The following ATF7IP variants were observed in gnomAD, a reference collection of about 807,000 sequenced individuals.
ATF7IP encodes activating transcription factor 7-interacting protein 1.
Under a neutral mutation model 106.4 loss-of-function variants are expected in ATF7IP, and 23 were observed. The ratio of observed to expected loss-of-function variants is 0.22; its 90% CI spans 0.16 to 0.31. The LOEUF is 0.31. Ranked by LOEUF, ATF7IP falls within the 10% of genes least tolerant of loss-of-function variation. The pLI, the probability that ATF7IP is intolerant of heterozygous loss-of-function variation, is 1.00. For synonymous variants in ATF7IP, 542 were observed against 539.0 expected, an observed-to-expected ratio of 1.01 and a Z score of -0.08; for missense variants, 1,334 against 1,524.3, an observed-to-expected ratio of 0.88 and a Z score of 2.08.
At chr12:14,368,248 T>C (rs10845988) in intron 1 of ATF7IP, among the ~76,000 whole-genome samples, 61,703 of 151,838 alleles carry the variant, frequency 0.41, 13,254 homozygotes, top group East Asian at 0.6. Flanking sequence ...TATAAATGTT[T>C]ATTAATTAGT....
intron 5 of ATF7IP, among the ~76,000 whole-genome samples, chr12:14,446,497 A>C (rs1014746094): frequency 6.6e-6 from 1 of 152,202 alleles, no homozygotes. Flanking sequence ...TATGTAATTT[A>C]ATTTGTGAAA....
intron 1 of ATF7IP, among the ~76,000 whole-genome samples, chr12:14,397,078 C>T (rs963662901): frequency 6.6e-6 from 1 of 152,148 alleles, no homozygotes; most frequent in African/African-American, 2.4e-5. Flanking sequence ...AGGAGAATTG[C>T]TTGAATCCGG....
chr12:14,421,817 G>C (rs1047049704), intron 1 of ATF7IP, among the ~76,000 whole-genome samples: 1 of 152,130 alleles, frequency 6.6e-6, no homozygotes, highest in African/African-American at 2.4e-5. Flanking sequence ...AATAAAGTCA[G>C]AATGCATCAT....
intron 10 of ATF7IP, among the ~76,000 whole-genome samples, chr12:14,469,221 G>T (rs1293255756): frequency 1.3e-5 from 2 of 151,940 alleles, no homozygotes; most frequent in South Asian, 2.1e-4. Flanking sequence ...TTAGCTGGTC[G>T]TGGTGGTGCA....
At position 14,454,278 on chromosome 12, in the gene ATF7IP, C is replaced by T. The variant is rs371728306; in HGVS notation, c.1996-2283C>T. 2.6e-5 allele frequency among the ~76,000 whole-genome samples: 4 copies of T among 152,230 alleles called. No individual in the cohort carries two copies. In the South Asian group the frequency reaches 6.2e-4, roughly 24 times the overall value. On this transcript the variant is annotated intron_variant, in intron 6 of 14. Transcript: ENST00000261168. Reference sequence around the variant, plus strand: ...CCTCTGGTACCTGTCTTTGCTATAGCAGCCTCTGGTACTTTGGCAAGCTGT... The same window carrying T: ...CCTCTGGTACCTGTCTTTGCTATAGTAGCCTCTGGTACTTTGGCAAGCTGT...
At chr12:14,436,047 A>G (rs1942386855) in intron 3 of ATF7IP, 59 bp from the exon 4 acceptor site, 2 of 1,526,068 alleles carry the variant, frequency 1.3e-6, no homozygotes, top group Non-Finnish European at 1.8e-6. Flanking sequence ...GATGGATAAT[A>G]TGCATTAAGA....
intron 12 of ATF7IP, among the ~76,000 whole-genome samples, chr12:14,479,360 A>G (rs1157734719): frequency 1.3e-5 from 2 of 152,206 alleles, no homozygotes; most frequent in Non-Finnish European, 2.9e-5. Context: ...GTAAATTCAA[A>G]ATTTTCAAGA....
At position 14,501,605 on chromosome 12, in the gene ATF7IP, A is replaced by G. The variant is rs1945161176; in HGVS notation, c.*3532A>G. 6.6e-6 allele frequency: 1 copy of G among 152,156 alleles called. No homozygotes were observed. Among genetic ancestry groups the G allele is most frequent in the African/African-American group, 2.4e-5 (1 of 41,446 alleles). 9.4% of individuals were successfully genotyped at this position (152,156 alleles called of 1,614,324 possible). A position where few individuals can be genotyped will look rare whatever the true frequency, so the allele number is the denominator to read the frequency against. ...CTGCATACTGTTTAAGGTAGTATAT[A>G]AGTTTATGAGAGAAGTGGAGAGCTT... On this transcript the variant is annotated 3_prime_UTR_variant, in exon 15 of 15. Transcript: ENST00000261168.
intron 13 of ATF7IP, among the ~76,000 whole-genome samples, chr12:14,491,206 C>G (rs1401575391): frequency 6.6e-6 from 1 of 152,212 alleles, no homozygotes; most frequent in Non-Finnish European, 1.5e-5. Flanking sequence ...CTGGACCACA[C>G]TCAAAACTGG....
At chr12:14,397,390 T>G (rs1474408219) in intron 1 of ATF7IP, among the ~76,000 whole-genome samples, 1 of 152,224 alleles carries the variant, frequency 6.6e-6, no homozygotes, top group Non-Finnish European at 1.5e-5. Context: ...ACCTAAGTGG[T>G]CAGGTAGTTT....
At chr12:14,376,929 A>G (rs1356649918) in intron 1 of ATF7IP, among the ~76,000 whole-genome samples, 2 of 152,160 alleles carry the variant, frequency 1.3e-5, no homozygotes, top group Non-Finnish European at 2.9e-5. Context: ...CCATCTCAAA[A>G]AAAAGAAAAA....
At chr12:14,450,232 T>C (rs1322565432) in intron 6 of ATF7IP, among the ~76,000 whole-genome samples, 2 of 152,224 alleles carry the variant, frequency 1.3e-5, no homozygotes, top group African/African-American at 4.8e-5. Flanking sequence ...GTAGGCATGC[T>C]TGCTTAATTC....
intron 1 of ATF7IP, among the ~76,000 whole-genome samples, chr12:14,394,115 A>C (rs1939715444): frequency 6.6e-6 from 1 of 152,174 alleles, no homozygotes; most frequent in Non-Finnish European, 1.5e-5. Flanking sequence ...CACAATTCTT[A>C]TTATTTGGTG....
chr12:14,412,938 C>A (rs1399225129), intron 1 of ATF7IP, among the ~76,000 whole-genome samples: 1 of 152,142 alleles, frequency 6.6e-6, no homozygotes, highest in Non-Finnish European at 1.5e-5. Context: ...CACTTGAACC[C>A]AGGAGGCGGA....
intron 2 of ATF7IP, among the ~76,000 whole-genome samples, chr12:14,426,601 C>T (rs1323915363): frequency 6.9e-6 from 1 of 144,828 alleles, no homozygotes; most frequent in Non-Finnish European, 1.5e-5. Context: ...CTGAGGCAGG[C>T]AGATTGCTTG....
intron 13 of ATF7IP, among the ~76,000 whole-genome samples, chr12:14,493,261 TC>T (rs1944890563): frequency 6.6e-6 from 1 of 152,236 alleles, no homozygotes; most frequent in African/African-American, 2.4e-5. Flanking sequence ...CCATGCCTGT[TC>T]TTCAGATTTC....
At chr12:14,369,634 G>C (rs1199861588) in intron 1 of ATF7IP, among the ~76,000 whole-genome samples, 3 of 152,204 alleles carry the variant, frequency 2.0e-5, no homozygotes, top group Non-Finnish European at 4.4e-5. Flanking sequence ...ACCGTGCACA[G>C]CCTTGTTCAT....
chr12:14,492,790 TA>T (rs1461201616), intron 13 of ATF7IP, among the ~76,000 whole-genome samples: 2 of 152,186 alleles, frequency 1.3e-5, no homozygotes, highest in African/African-American at 4.8e-5. Context: ...AGGATCCAGT[TA>T]TTTCCATTGT....
chr12:14,368,014 A>C (rs113835808), intron 1 of ATF7IP, among the ~76,000 whole-genome samples: 7,770 of 152,150 alleles, frequency 0.051, 681 homozygotes, highest in African/African-American at 0.18. Context: ...TAAATTTAAA[A>C]ATTTATATGT....
Sources: gnomAD v4.1 joint callset for allele counts (sites outside exome capture counted in the v4.1 genomes callset) on GRCh38, gnomAD v4.1.1 for gene constraint, MANE v1.5 for transcripts, NCBI Gene and HGNC (gene_info 2026-07-23, HGNC 2026-07-21) for gene names.